Variants in RALYL observed in about 807,000 individuals in gnomAD.
RALYL encodes the protein RNA-binding Raly-like protein.
A neutral mutation model predicts 35.1 loss-of-function variants in RALYL; 29 were observed. The observed-to-expected ratio is 0.83, with a 90% CI of 0.61 to 1.13. The LOEUF (loss-of-function observed/expected upper bound fraction) is 1.13, where lower values mean the gene tolerates loss of function less well. RALYL is among the 50% of genes most tolerant of loss of function. The pLI, the probability that RALYL is intolerant of heterozygous loss-of-function variation, is 0.00. For synonymous variants in RALYL, 120 were observed against 127.6 expected, an observed-to-expected ratio of 0.94 and a Z score of 0.40; for missense variants, 359 against 360.4, an observed-to-expected ratio of 1.00 and a Z score of 0.03.
In RALYL at chr8:84,878,741, C is replaced by T. The variant is rs558482011; in HGVS notation, c.685+5344C>T. Among the ~76,000 whole-genome samples, 4 of 111,892 alleles carry T rather than the reference C, an allele frequency of 3.6e-5. No individual in the cohort carries two copies. In the East Asian group the frequency reaches 1.7e-3, roughly 46 times the overall value. The allele number at this position is 111,892 out of a possible 152,430, so 73.4% of individuals were successfully genotyped here. A position where few individuals can be genotyped will look rare whatever the true frequency, so the allele number is the denominator to read the frequency against. On this transcript the variant is annotated intron_variant, in intron 7 of 8. Coordinates refer to ENST00000521268, the MANE Select transcript of RALYL (RefSeq NM_173848.7). Reference sequence around the variant, plus strand: ...CATATGATAGCACAAATAAATAACTCAATACAATGATTGGAAGACAAAATT... The same window carrying T: ...CATATGATAGCACAAATAAATAACTTAATACAATGATTGGAAGACAAAATT...
At chr8:84,898,922 A>C (rs1325279724) in intron 8 of RALYL, among the ~76,000 whole-genome samples, 1 of 152,174 alleles carries the variant, frequency 6.6e-6, no homozygotes, top group Non-Finnish European at 1.5e-5. Flanking sequence ...ACTTTTTAAA[A>C]TGCCTTTCTC....
chr8:84,810,965 C>A (rs1825767818), intron 4 of RALYL, among the ~76,000 whole-genome samples: 1 of 152,070 alleles, frequency 6.6e-6, no homozygotes, highest in Non-Finnish European at 1.5e-5. Context: ...ATCTTTTAAG[C>A]AAAGCATTTA....
intron 4 of RALYL, among the ~76,000 whole-genome samples, chr8:84,808,371 T>G (rs982382776): frequency 6.6e-6 from 1 of 152,220 alleles, no homozygotes; most frequent in Non-Finnish European, 1.5e-5. Flanking sequence ...ATGTGCCTAT[T>G]TTTATACCAG....
chr8:84,236,403 T>C (rs1285208757), intron 1 of RALYL, among the ~76,000 whole-genome samples: 1 of 152,166 alleles, frequency 6.6e-6, no homozygotes, highest in Non-Finnish European at 1.5e-5. Context: ...ATTCACAGCC[T>C]TGGCTAAATG....
chr8:84,874,823 C>CTA (rs1840830828), intron 7 of RALYL, among the ~76,000 whole-genome samples: 1 of 152,298 alleles, frequency 6.6e-6, no homozygotes, highest in East Asian at 1.9e-4. Flanking sequence ...CATATGTAAA[C>CTA]TATATAGCAC....
intron 1 of RALYL, among the ~76,000 whole-genome samples, chr8:84,388,663 C>T (rs984123239): frequency 6.6e-6 from 1 of 151,914 alleles, no homozygotes; most frequent in Non-Finnish European, 1.5e-5. Flanking sequence ...CTGTTCATGT[C>T]CTTCGCCCAC....
intron 2 of RALYL, among the ~76,000 whole-genome samples, chr8:84,636,229 A>T (rs1825032513): frequency 6.6e-6 from 1 of 151,762 alleles, no homozygotes; most frequent in African/African-American, 2.4e-5. Flanking sequence ...CATTATTCTT[A>T]TATTTGCTCT....
chr8:84,840,969 A>G (rs895805294), intron 4 of RALYL, among the ~76,000 whole-genome samples: 35 of 152,188 alleles, frequency 2.3e-4, no homozygotes, highest in Admixed American at 1.3e-3. Context: ...TGAAGGAAGC[A>G]CTAAACATGG....
chr8:84,308,328 A>G (rs916759642), intron 1 of RALYL, among the ~76,000 whole-genome samples: 1 of 152,174 alleles, frequency 6.6e-6, no homozygotes, highest in African/African-American at 2.4e-5. Context: ...CATAGAGAAT[A>G]TGGAGACATA....
At chr8:84,704,446 GACACACACACACACACACACAC>G (rs3068023) in intron 2 of RALYL, among the ~76,000 whole-genome samples, 2 of 104,036 alleles carry the variant, frequency 1.9e-5, no homozygotes, top group African/African-American at 7.0e-5. Flanking sequence ...AATACACACA[GACACACACACACACACACACAC>G]ACACACACAC....
At chr8:84,590,096 A>G (rs1383852045) in intron 2 of RALYL, among the ~76,000 whole-genome samples, 1 of 152,174 alleles carries the variant, frequency 6.6e-6, no homozygotes, top group Non-Finnish European at 1.5e-5. Context: ...CATTTCTTTA[A>G]AGAGACATCA....
chr8:84,653,524 A>G (rs1000765504), intron 2 of RALYL, among the ~76,000 whole-genome samples: 2 of 151,866 alleles, frequency 1.3e-5, no homozygotes, highest in Admixed American at 6.6e-5. Flanking sequence ...CAGTCCCTCT[A>G]TTTGGTATAC....
intron 3 of RALYL, among the ~76,000 whole-genome samples, chr8:84,795,236 C>T (rs911203945): frequency 2.6e-5 from 4 of 152,140 alleles, no homozygotes; most frequent in African/African-American, 9.7e-5. Flanking sequence ...ATATGATGTT[C>T]TTCTAATGAT....
chr8:84,239,951 T>G (rs1827508113), intron 1 of RALYL, among the ~76,000 whole-genome samples: 1 of 152,102 alleles, frequency 6.6e-6, no homozygotes, highest in African/African-American at 2.4e-5. Flanking sequence ...GTAGTGTGTG[T>G]GCCAAAGTAC....
At chr8:84,643,708 A>AT (rs1252696161) in intron 2 of RALYL, among the ~76,000 whole-genome samples, 7 of 152,232 alleles carry the variant, frequency 4.6e-5, no homozygotes, top group African/African-American at 1.7e-4. Flanking sequence ...GTGAGGTATA[A>AT]TAAAAACTAA....
intron 3 of RALYL, among the ~76,000 whole-genome samples, chr8:84,801,501 T>C (rs1331582184): frequency 3.9e-5 from 6 of 152,156 alleles, no homozygotes; most frequent in African/African-American, 1.2e-4. Flanking sequence ...GGATATGTCA[T>C]AGTGATGGTG....
intron 4 of RALYL, among the ~76,000 whole-genome samples, chr8:84,835,038 T>C (rs903428521): frequency 3.3e-5 from 5 of 152,154 alleles, no homozygotes; most frequent in African/African-American, 1.2e-4. Flanking sequence ...AACAAAGAGA[T>C]GGATCATAGT....
chr8:84,667,018 T>A (rs1832208827), intron 2 of RALYL, among the ~76,000 whole-genome samples: 1 of 152,092 alleles, frequency 6.6e-6, no homozygotes, highest in Non-Finnish European at 1.5e-5. Context: ...GAGGGTAAAT[T>A]TAAGTTAAGT....
At chr8:84,867,686 T>C (rs963406782) in intron 6 of RALYL, among the ~76,000 whole-genome samples, 6 of 152,236 alleles carry the variant, frequency 3.9e-5, no homozygotes, top group Non-Finnish European at 8.8e-5. Flanking sequence ...TAAAGTATCT[T>C]TTCAGTCATA....
Sources: allele counts gnomAD v4.1 joint callset (sites outside exome capture counted in the v4.1 genomes callset), GRCh38; gene constraint gnomAD v4.1.1; transcripts MANE v1.5; gene names NCBI Gene and HGNC (gene_info 2026-07-23, HGNC 2026-07-21).